VWDE: variants seen among roughly 807,000 people sequenced by gnomAD.
VWDE encodes von Willebrand factor D and EGF domains, also known as von Willebrand factor D and EGF domain-containing protein.
A neutral mutation model predicts 178.4 loss-of-function variants in VWDE; 207 were observed. That is an observed-to-expected ratio of 1.16 (90% CI 1.04 to 1.30). VWDE has a LOEUF of 1.30. VWDE is among the 50% of genes most tolerant of loss of function. The probability of loss-of-function intolerance (pLI) is 0.00; values close to 1 mark genes in which losing one functional copy is unlikely to be tolerated. For missense variants in VWDE, 2,287 were observed against 1,901.3 expected (o/e 1.20, Z -3.77); for synonymous variants, 738 against 651.4 (o/e 1.13, Z -2.02).
chr7:12,351,471 T>G (rs1465623082), intron 19 of VWDE, 102 bp downstream of exon 19: 1 of 1,281,556 alleles, frequency 7.8e-7, no homozygotes, highest in Non-Finnish European at 1.0e-6. Context: ...TTAGGTGATC[T>G]TTCTAAAAAT....
chr7:12,339,610 T>A (rs1399638934), intron 24 of VWDE, among the ~76,000 whole-genome samples: 2 of 152,036 alleles, frequency 1.3e-5, no homozygotes, highest in Admixed American at 6.6e-5. Context: ...TCAAAGTGCA[T>A]CGTGGCAAGG....
intron 11 of VWDE, 37 bp downstream of exon 11, chr7:12,370,619 T>G: frequency 2.6e-6 from 4 of 1,544,828 alleles, no homozygotes; most frequent in Non-Finnish European, 3.5e-6. Context: ...TTAAGTCTAA[T>G]ATTAATATAA....
intron 9 of VWDE, among the ~76,000 whole-genome samples, chr7:12,374,008 A>G (rs1254122548): frequency 6.6e-6 from 1 of 152,136 alleles, no homozygotes; most frequent in Non-Finnish European, 1.5e-5. Context: ...TTATCATATT[A>G]CAATTTTTTA....
chr7:12,378,003 C>T (rs895439445), intron 6 of VWDE, 83 bp from the exon 7 acceptor site: 31 of 1,030,602 alleles, frequency 3.0e-5, no homozygotes, highest in South Asian at 5.5e-5. Flanking sequence ...ATTTTCTCAA[C>T]AGCACATATT....
intron 24 of VWDE, among the ~76,000 whole-genome samples, chr7:12,339,636 G>A (rs905834584): frequency 6.6e-6 from 1 of 151,760 alleles, no homozygotes; most frequent in African/African-American, 2.4e-5. Flanking sequence ...CTAAATTTTA[G>A]GAATTAAATT....
At chr7:12,372,716 A>T (rs528237824) in intron 10 of VWDE, among the ~76,000 whole-genome samples, 252 of 152,214 alleles carry the variant, frequency 1.7e-3, no homozygotes, top group African/African-American at 5.4e-3. Flanking sequence ...CACGTTGTTA[A>T]AAGTAATTTT....
intron 26 of VWDE, 39 bp downstream of exon 26, chr7:12,336,949 A>G: frequency 3.3e-6 from 5 of 1,498,262 alleles, no homozygotes; most frequent in Non-Finnish European, 4.5e-6. Flanking sequence ...ATTCCCATGA[A>G]GGACGAAAGC....
Position 12,377,787 on chromosome 7 carries a change from G to A in VWDE, c.1013C>T (p.Thr338Ile). The A allele has an allele frequency of 6.7e-7, 1 of 1,490,154 alleles. No individual in the cohort carries two copies. The highest frequency in any genetic ancestry group is 9.0e-7 in the Non-Finnish European group (1 of 1,109,764). 92.3% of individuals were successfully genotyped at this position (1,490,154 alleles called of 1,614,324 possible). A position where few individuals can be genotyped will look rare whatever the true frequency, so the allele number is the denominator to read the frequency against. Residue 338 changes from threonine (T) to isoleucine (I), a missense_variant, in exon 7 of 29, where the codon ACT becomes ATT. Transcript: ENST00000275358. ...QECKISLKLK[T>I]IGQGREHLGL... ...AGTTAGTATATTACCTTGACCAATA[G>A]TTTTCAGTTTTAATGAGATTTTGCA... is the stretch of plus-strand genomic sequence containing the variant.
chr7:12,373,449 G>A (rs775770581), intron 9 of VWDE, among the ~76,000 whole-genome samples: 4 of 152,012 alleles, frequency 2.6e-5, no homozygotes, highest in Non-Finnish European at 4.4e-5. Flanking sequence ...CCTTGAGCAG[G>A]GCAGGCTGGC....
At chr7:12,368,178 A>G (rs1562491740) in intron 12 of VWDE, among the ~76,000 whole-genome samples, 1 of 143,844 alleles carries the variant, frequency 7.0e-6, no homozygotes, top group Non-Finnish European at 1.5e-5. Context: ...CTGGGGATGT[A>G]GTAATGAACA....
Position 12,370,332 on chromosome 7 carries a change from T to C in VWDE, c.1974A>G (p.Leu658=), listed in dbSNP as rs1223296699. Residue 658 remains leucine, a synonymous_variant, in exon 12 of 29, where the codon TTA becomes TTG. Coordinates refer to ENST00000275358, the MANE Select transcript of VWDE (RefSeq NM_001135924.3). Reference sequence around the variant, plus strand: ...CATCTAGTTCTGGTATCAAAGAAGATAAGCTGACATGATTGAGGTCTTTGC... The same window carrying C: ...CATCTAGTTCTGGTATCAAAGAAGACAAGCTGACATGATTGAGGTCTTTGC... ...LGCKDLNHVS[L]SSLIPELDVT... 6.4e-7 allele frequency: 1 copy of C among 1,551,186 alleles called. No individual in the cohort carries two copies. The highest frequency in any genetic ancestry group is 2.0e-5 in the Admixed American group (1 of 50,950).
intron 17 of VWDE, 29 bp from the exon 18 acceptor site, chr7:12,356,359 T>C (rs1336224084): frequency 3.3e-6 from 5 of 1,525,616 alleles, no homozygotes; most frequent in East Asian, 2.5e-5. Context: ...GGAAATGTCT[T>C]ATTTTTCAAT....
chr7:12,398,701 C>T (rs1402987094), intron 1 of VWDE, among the ~76,000 whole-genome samples: 1 of 152,080 alleles, frequency 6.6e-6, no homozygotes, highest in Non-Finnish European at 1.5e-5. Flanking sequence ...CACCATGCAG[C>T]ACTATGAAGC....
At position 12,342,048 on chromosome 7, in the gene VWDE, T is replaced by A; in HGVS notation, c.4270+11A>T. On this transcript the variant is annotated intron_variant, in intron 23 of 28. Coordinates refer to ENST00000275358, the MANE Select transcript of VWDE (RefSeq NM_001135924.3). ...AATTGACATGTTCATTGAAAATATT[T>A]CCAATTTTACCTGTACTACAGGTGG... is the stretch of plus-strand genomic sequence containing the variant. The A allele has an allele frequency of 6.5e-7, 1 of 1,545,762 alleles. No homozygotes were observed. The highest frequency in any genetic ancestry group is 8.8e-7 in the Non-Finnish European group (1 of 1,142,152).
rs1583315452 is a variant in VWDE, at chr7:12,369,690, A to G, written c.2616T>C (p.Tyr872=). Residue 872 remains tyrosine (Y), a synonymous_variant, in exon 12 of 29, where the codon TAT becomes TAC. Coordinates refer to ENST00000275358, the MANE Select transcript of VWDE (RefSeq NM_001135924.3). Reference sequence around the variant, plus strand: ...TTGATGTGCCATACTCTTCTGTGTTATATTTCCCCTCCTCCACAATCCTCT... The same window carrying G: ...TTGATGTGCCATACTCTTCTGTGTTGTATTTCCCCTCCTCCACAATCCTCT... ...CEKRIVEEGK[Y]NTEEYGTSIE... 2 of 1,551,694 alleles carry G rather than the reference A, an allele frequency of 1.3e-6. No individual in the cohort carries two copies. Among genetic ancestry groups the G allele is most frequent in the Non-Finnish European group, 8.7e-7 (1 of 1,146,920 alleles).
At chr7:12,355,369 C>G (rs932060501) in intron 18 of VWDE, among the ~76,000 whole-genome samples, 3 of 149,504 alleles carry the variant, frequency 2.0e-5, no homozygotes, top group Non-Finnish European at 3.0e-5. Flanking sequence ...TGAGCTGAGA[C>G]GGCGCCACTG....
chr7:12,357,805 G>A (rs992454508), intron 16 of VWDE, among the ~76,000 whole-genome samples: 1 of 152,046 alleles, frequency 6.6e-6, no homozygotes, highest in Admixed American at 6.6e-5. Context: ...ACTGGATGCT[G>A]CACCTCTTCT....
At chr7:12,331,698 T>C (rs745509597) in intron 28 of VWDE, among the ~76,000 whole-genome samples, 2 of 152,108 alleles carry the variant, frequency 1.3e-5, no homozygotes, top group Non-Finnish European at 2.9e-5. Flanking sequence ...TAACATTAGG[T>C]GCTACTATTA....
At chr7:12,392,479 A>G (rs1250702562) in intron 2 of VWDE, among the ~76,000 whole-genome samples, 3 of 152,136 alleles carry the variant, frequency 2.0e-5, no homozygotes, top group Non-Finnish European at 4.4e-5. Flanking sequence ...AATAATGTCT[A>G]TTTCATGACA....
Sources: gnomAD v4.1 joint callset for allele counts (sites outside exome capture counted in the v4.1 genomes callset) on GRCh38, gnomAD v4.1.1 for gene constraint, MANE v1.5 for transcripts, NCBI Gene and HGNC (gene_info 2026-07-23, HGNC 2026-07-21) for gene names.